Variants in DNAH11 observed in about 807,000 individuals in gnomAD.
The protein encoded by DNAH11 is dynein axonemal heavy chain 11.
Under a neutral mutation model 526.0 loss-of-function variants are expected in DNAH11, and 442 were observed. The ratio of observed to expected loss-of-function variants is 0.84; its 90% confidence interval spans 0.78 to 0.91. The LOEUF (loss-of-function observed/expected upper bound fraction) is 0.91, where lower values mean the gene tolerates loss of function less well. Among genes scored for constraint, DNAH11 ranks in the 40% least tolerant of loss-of-function variants. The pLI, the probability that DNAH11 is intolerant of heterozygous loss-of-function variation, is 0.00. For missense variants in DNAH11, 6,989 were observed against 5,448.7 expected (o/e 1.28, Z -8.90); for synonymous variants, 2,461 against 1,935.9 (o/e 1.27, Z -7.12).
In DNAH11 at chr7:21,615,205, A is replaced by T; in HGVS notation, c.3944A>T (p.Gln1315Leu). ...GAAGTGGCTCTTCCAGAGTACAAAC[A>T]AATGAAACAGTGTCGCAAAGAAATA... ...LFEVALPEYKQMKQCRKEIKL... is the reference protein window; with the variant it reads ...LFEVALPEYKLMKQCRKEIKL... The change falls in exon 21 of 82, where the codon CAA becomes CTA. Residue 1315 changes from glutamine (Q) to leucine (L), a missense_variant. Physicochemically the swap from Gln to Leu is moderately radical, Grantham distance 113. Coordinates refer to ENST00000409508, the MANE Select transcript of DNAH11 (RefSeq NM_001277115.2). 6.2e-7 allele frequency: 1 copy of T among 1,613,572 alleles called. No homozygotes were observed. The highest frequency in any genetic ancestry group is 8.5e-7 in the Non-Finnish European group (1 of 1,179,642).
At chr7:21,801,015 G>C (rs117089053) in intron 61 of DNAH11, 122 bp from the exon 62 acceptor site, 1 of 1,031,464 alleles carries the variant, frequency 9.7e-7, no homozygotes, top group Non-Finnish European at 1.4e-6. Flanking sequence ...TGGTAAAGGG[G>C]CAAAGGTTAA....
intron 14 of DNAH11, among the ~76,000 whole-genome samples, chr7:21,591,838 C>T (rs184115351): frequency 8.5e-5 from 13 of 152,272 alleles, no homozygotes; most frequent in Admixed American, 5.2e-4. Context: ...GAATCTTTAT[C>T]TTGTCACAGT....
chr7:21,801,377 C>G, intron 62 of DNAH11, 102 bp downstream of exon 62: 1 of 1,446,826 alleles, frequency 6.9e-7, no homozygotes, highest in Non-Finnish European at 9.4e-7. Flanking sequence ...ATGGAATTAA[C>G]AACAAAGGAT....
At chr7:21,589,595 T>C (rs772407932) in intron 12 of DNAH11, among the ~76,000 whole-genome samples, 192 bp downstream of exon 12, 27 of 152,188 alleles carry the variant, frequency 1.8e-4, no homozygotes, top group Non-Finnish European at 3.8e-4. Flanking sequence ...CTCTATTAAT[T>C]TGTATTGTAA....
At chr7:21,797,121 A>G (rs952559139) in intron 61 of DNAH11, among the ~76,000 whole-genome samples, 3 of 152,326 alleles carry the variant, frequency 2.0e-5, no homozygotes, top group South Asian at 2.1e-4. Flanking sequence ...GGAGAAAGGT[A>G]CAAACAATAT....
intron 28 of DNAH11, 122 bp downstream of exon 28, chr7:21,639,187 T>A: frequency 8.3e-7 from 1 of 1,205,910 alleles, no homozygotes; most frequent in Non-Finnish European, 1.1e-6. Flanking sequence ...AATCTGCAGT[T>A]AAAATTTGTA....
At chr7:21,802,034 T>C (rs1789018926) in intron 62 of DNAH11, among the ~76,000 whole-genome samples, 1 of 152,248 alleles carries the variant, frequency 6.6e-6, no homozygotes. Flanking sequence ...TCTTCAACTT[T>C]GTTTTCTTGT....
At chr7:21,639,183 C>T (rs116854838) in intron 28 of DNAH11, 118 bp downstream of exon 28, 4 of 1,283,320 alleles carry the variant, frequency 3.1e-6, no homozygotes, top group South Asian at 3.5e-5. Flanking sequence ...AGAAAATCTG[C>T]AGTTAAAATT....
rs947790538 is a variant in DNAH11 at position 21,858,006 on chromosome 7, A to G, written c.11202+3551A>G. Reference sequence around the variant, plus strand: ...GGTAGGCCACAGACAAGCAAAGACAATATTCTCAATACATATATATAAAAC... The same window carrying G: ...GGTAGGCCACAGACAAGCAAAGACAGTATTCTCAATACATATATATAAAAC... On this transcript the variant is annotated intron_variant, in intron 68 of 81. Coordinates refer to ENST00000409508, the MANE Select transcript of DNAH11 (RefSeq NM_001277115.2). Among the ~76,000 whole-genome samples the G allele has an allele frequency of 1.5e-4, 23 of 152,190 alleles. 1 individual carries two copies. Among genetic ancestry groups the G allele is most frequent in the South Asian group, 2.1e-4 (1 of 4,830 alleles).
chr7:21,871,898 A>G (rs1783508256), intron 73 of DNAH11, among the ~76,000 whole-genome samples: 1 of 151,892 alleles, frequency 6.6e-6, no homozygotes, highest in Non-Finnish European at 1.5e-5. Context: ...CGAGGAGGGC[A>G]GATCATGAGG....
intron 75 of DNAH11, among the ~76,000 whole-genome samples, chr7:21,881,114 C>T (rs1583807428): frequency 1.3e-5 from 2 of 151,558 alleles, no homozygotes; most frequent in African/African-American, 4.8e-5. Context: ...TCTACATCAG[C>T]AGCTTAGTGT....
At chr7:21,722,893 C>T (rs1392443893) in intron 44 of DNAH11, among the ~76,000 whole-genome samples, 2 of 152,124 alleles carry the variant, frequency 1.3e-5, no homozygotes, top group Non-Finnish European at 2.9e-5. Context: ...CGGACATCTT[C>T]CCCCTCCTGC....
At chr7:21,858,799 C>T (rs75955109) in intron 68 of DNAH11, among the ~76,000 whole-genome samples, 7,982 of 152,136 alleles carry the variant, frequency 0.052, 248 homozygotes, top group Middle Eastern at 0.13. Context: ...TTGATTGCTA[C>T]GGTTATTGTT....
At chr7:21,834,197 G>GTTTC (rs1325798862) in intron 65 of DNAH11, among the ~76,000 whole-genome samples, 1 of 151,898 alleles carries the variant, frequency 6.6e-6, no homozygotes, top group Non-Finnish European at 1.5e-5. Context: ...ATCAATAACA[G>GTTTC]GAGAAACTTT....
chr7:21,809,297 G>C (rs1379862750), intron 63 of DNAH11, among the ~76,000 whole-genome samples: 1 of 152,024 alleles, frequency 6.6e-6, no homozygotes, highest in Non-Finnish European at 1.5e-5. Context: ...TGCCTTGTTG[G>C]GTGAATAGTT....
At chr7:21,803,566 G>C (rs932176960) in intron 62 of DNAH11, among the ~76,000 whole-genome samples, 1 of 149,316 alleles carries the variant, frequency 6.7e-6, no homozygotes, top group African/African-American at 2.5e-5. Flanking sequence ...GTCAGAACTA[G>C]ATAAACTGCT....
chr7:21,763,821 TAC>T (rs1373616458), intron 54 of DNAH11, among the ~76,000 whole-genome samples: 11 of 149,326 alleles, frequency 7.4e-5, no homozygotes, highest in South Asian at 6.5e-4. Context: ...TACATATATA[TAC>T]ATATATATAT....
chr7:21,900,949 A>G (rs1330774346), intron 81 of DNAH11, 58 bp from the exon 82 acceptor site: 3 of 1,502,172 alleles, frequency 2.0e-6, no homozygotes, highest in Non-Finnish European at 1.8e-6. Context: ...AACTTACTTG[A>G]TCATTATCAT....
chr7:21,876,101 G>T (rs752939481), intron 74 of DNAH11, among the ~76,000 whole-genome samples: 8 of 152,018 alleles, frequency 5.3e-5, no homozygotes, highest in Non-Finnish European at 1.0e-4. Context: ...AGCCAGGATG[G>T]TCTTGATCTC....
Sources: allele counts gnomAD v4.1 joint callset (sites outside exome capture counted in the v4.1 genomes callset), GRCh38; gene constraint gnomAD v4.1.1; transcripts MANE v1.5; gene names NCBI Gene and HGNC (gene_info 2026-07-23, HGNC 2026-07-21).